PALLD: variants seen among roughly 807,000 people sequenced by gnomAD.
PALLD encodes palladin, cytoskeletal associated protein.
In PALLD, 61 loss-of-function variants were observed where a neutral mutation model predicts 123.5. The observed-to-expected ratio is 0.49, with a 90% CI of 0.40 to 0.61. PALLD has a LOEUF of 0.61. PALLD is among the 20% of genes least tolerant of loss of function. PALLD has a pLI of 0.00. For missense variants in PALLD, 1,273 were observed against 1,377.0 expected, an observed-to-expected ratio of 0.92 and a Z score of 1.20; for synonymous variants, 465 against 496.4, an observed-to-expected ratio of 0.94 and a Z score of 0.84.
intron 10 of PALLD, among the ~76,000 whole-genome samples, chr4:168,885,933 A>G (rs1753272438): frequency 6.6e-6 from 1 of 152,242 alleles, no homozygotes; most frequent in Non-Finnish European, 1.5e-5. Flanking sequence ...TAAAGAACCT[A>G]CAGTTCCCAT....
chr4:168,837,172 A>C (rs763476766), intron 10 of PALLD, among the ~76,000 whole-genome samples: 8 of 152,170 alleles, frequency 5.3e-5, no homozygotes, highest in Non-Finnish European at 7.3e-5. Context: ...ACAACAGAGG[A>C]AAGAGAAGAG....
At chr4:168,616,267 C>G (rs558617361) in intron 2 of PALLD, among the ~76,000 whole-genome samples, 159 of 152,238 alleles carry the variant, frequency 1.0e-3, no homozygotes, top group Non-Finnish European at 1.9e-3. Flanking sequence ...GATGCTTAAA[C>G]CTTTTCTCAT....
intron 10 of PALLD, among the ~76,000 whole-genome samples, chr4:168,734,015 G>T (rs1581197246): frequency 6.6e-6 from 1 of 152,152 alleles, no homozygotes; most frequent in African/African-American, 2.4e-5. Flanking sequence ...GATTACAGGC[G>T]TTGAGCCACC....
At chr4:168,679,001 G>T (rs527929302) in intron 3 of PALLD, among the ~76,000 whole-genome samples, 151 of 145,000 alleles carry the variant, frequency 1.0e-3, no homozygotes, top group African/African-American at 3.6e-3. Context: ...GCGTGGTGTG[G>T]GTATGTGTAG....
At chr4:168,711,962 C>T in intron 10 of PALLD, 39 bp downstream of exon 10, 4 of 1,542,462 alleles carry the variant, frequency 2.6e-6, no homozygotes, top group Non-Finnish European at 8.9e-7. Flanking sequence ...ATTTCCATAC[C>T]CCTGTTACAT....
chr4:168,617,760 A>G (rs1484144563), intron 2 of PALLD, among the ~76,000 whole-genome samples: 3 of 152,202 alleles, frequency 2.0e-5, no homozygotes. Context: ...TAAATGCTAT[A>G]CGTAAAGTCT....
rs191307159 is a variant in PALLD at position 168,677,076 on chromosome 4, C to A, written c.1088-4256C>A. ...GAACAGATGATAGTAACTACAAGGG[C>A]TAGAACATGTAACTCTTTCAGACTG... On this transcript the variant is annotated intron_variant, in intron 3 of 21. Coordinates refer to ENST00000505667, the MANE Select transcript of PALLD (RefSeq NM_001166108.2). Among the ~76,000 whole-genome samples, 268 of 152,184 alleles carry A rather than the reference C, an allele frequency of 1.8e-3. 1 individual carries two copies. The highest frequency in any genetic ancestry group is 2.9e-3 in the Non-Finnish European group (194 of 68,012).
intron 9 of PALLD, among the ~76,000 whole-genome samples, chr4:168,710,549 A>T (rs191970183): frequency 6.6e-6 from 1 of 152,296 alleles, no homozygotes; most frequent in Admixed American, 6.5e-5. Flanking sequence ...ACACAACCAA[A>T]ACTTATTTAG....
intron 10 of PALLD, among the ~76,000 whole-genome samples, chr4:168,769,342 G>T (rs1734098492): frequency 1.3e-5 from 2 of 152,188 alleles, no homozygotes; most frequent in Non-Finnish European, 2.9e-5. Flanking sequence ...TCTGTATAAG[G>T]TCTCGTCTTT....
In PALLD at chr4:168,909,400, T is replaced by A. The variant is rs186255569; in HGVS notation, c.2623-4527T>A. ...TAAATAATTGGCCTTGCACAAGGTA[T>A]GAAATAATCTTTACAAGCTGGATGT... On this transcript the variant is annotated intron_variant, in intron 15 of 21. Transcript: ENST00000505667. Among the ~76,000 whole-genome samples, 6 of 152,310 alleles carry A rather than the reference T, an allele frequency of 3.9e-5. No homozygotes were observed. In the East Asian group the frequency reaches 9.6e-4, roughly 24 times the overall value.
intron 2 of PALLD, among the ~76,000 whole-genome samples, chr4:168,559,675 T>C (rs1767665046): frequency 6.6e-6 from 1 of 152,030 alleles, no homozygotes; most frequent in African/African-American, 2.4e-5. Context: ...GGTGGGTGGA[T>C]TGCTTGAGCC....
In PALLD at chr4:168,896,602, T is replaced by A. The variant is rs1755231070; in HGVS notation, c.2250+3T>A. 2 of 1,489,770 alleles carry A rather than the reference T, an allele frequency of 1.3e-6. No homozygotes were observed. Among genetic ancestry groups the A allele is most frequent in the Non-Finnish European group, 1.8e-6 (2 of 1,104,474 alleles). 92.3% of individuals were successfully genotyped at this position (1,489,770 alleles called of 1,614,324 possible). A position where few individuals can be genotyped will look rare whatever the true frequency, so the allele number is the denominator to read the frequency against. ...GGAGTCCTCTGGATGGTCAAAAGGT[T>A]AAGCTTTTCACCTTTCTTCTCCTTC... is the stretch of plus-strand genomic sequence containing the variant. On this transcript the variant is annotated splice_donor_region_variant and intron_variant, in intron 13 of 21. Coordinates refer to ENST00000505667, the MANE Select transcript of PALLD (RefSeq NM_001166108.2).
intron 10 of PALLD, among the ~76,000 whole-genome samples, chr4:168,769,159 C>T (rs1182059026): frequency 2.6e-5 from 4 of 152,158 alleles, no homozygotes; most frequent in Admixed American, 1.3e-4. Flanking sequence ...ATGACTTTTC[C>T]AGTGAAGAAC....
chr4:168,834,598 G>T (rs1293494116), intron 10 of PALLD, among the ~76,000 whole-genome samples: 1 of 152,124 alleles, frequency 6.6e-6, no homozygotes, highest in South Asian at 2.1e-4. Flanking sequence ...TTAGCCAGGT[G>T]TGGTGGTGTG....
Position 168,502,288 on chromosome 4 carries a change from C to A in PALLD, c.-83+5094C>A, listed in dbSNP as rs769152300. 1.2e-4 allele frequency among the ~76,000 whole-genome samples: 18 copies of A among 152,132 alleles called. 1 individual carries two copies. The highest frequency in any genetic ancestry group is 2.2e-4 in the Non-Finnish European group (15 of 68,008). On this transcript the variant is annotated intron_variant, in intron 1 of 21. Transcript: ENST00000505667. The stretch of plus-strand genomic sequence containing the variant: ...AAAGTTTACAGAATTCTTTGTCTAA[C>A]AGAATTGCCAGAAAATAGAATAAAT...
chr4:168,729,804 G>A (rs912689674), intron 10 of PALLD, among the ~76,000 whole-genome samples: 7 of 152,206 alleles, frequency 4.6e-5, no homozygotes, highest in South Asian at 2.1e-4. Flanking sequence ...TCTGAAAAGT[G>A]TCTTTATTCT....
intron 2 of PALLD, among the ~76,000 whole-genome samples, chr4:168,629,310 G>C (rs932739263): frequency 2.0e-5 from 3 of 152,006 alleles, no homozygotes; most frequent in African/African-American, 7.2e-5. Flanking sequence ...CACCGTGCCC[G>C]GCCCTGCCTA....
intron 10 of PALLD, among the ~76,000 whole-genome samples, chr4:168,759,101 C>T (rs1196793544): frequency 1.4e-5 from 2 of 146,130 alleles, no homozygotes; most frequent in Non-Finnish European, 3.0e-5. Flanking sequence ...ATCACTTGAA[C>T]CCGGGAGGCG....
At chr4:168,549,838 G>A (rs930238810) in intron 2 of PALLD, among the ~76,000 whole-genome samples, 2 of 151,916 alleles carry the variant, frequency 1.3e-5, no homozygotes, top group African/African-American at 4.8e-5. Flanking sequence ...AAAACCAAGA[G>A]GTTTTTTAAT....
Sources: allele counts gnomAD v4.1 joint callset (sites outside exome capture counted in the v4.1 genomes callset), GRCh38; gene constraint gnomAD v4.1.1; transcripts MANE v1.5; gene names NCBI Gene and HGNC (gene_info 2026-07-23, HGNC 2026-07-21).